The following THSD7A variants were observed in gnomAD, a reference collection of about 807,000 sequenced individuals.
THSD7A encodes thrombospondin type 1 domain containing 7A.
THSD7A carries 96 observed loss-of-function variants against 231.3 expected under a neutral mutation model. The ratio of observed to expected loss-of-function variants is 0.41; its 90% confidence interval spans 0.35 to 0.49. THSD7A has a LOEUF of 0.49. Among genes scored for constraint, THSD7A ranks in the 20% least tolerant of loss-of-function variants. The pLI is 0.05. For missense variants in THSD7A, 2,290 were observed against 2,070.2 expected, an observed-to-expected ratio of 1.11 and a Z score of -2.06; for synonymous variants, 940 against 743.3, an observed-to-expected ratio of 1.26 and a Z score of -4.30.
intron 1 of THSD7A, among the ~76,000 whole-genome samples, chr7:11,777,139 T>C (rs1034534714): frequency 6.6e-6 from 1 of 152,164 alleles, no homozygotes; most frequent in Non-Finnish European, 1.5e-5. Flanking sequence ...GTATATAAAT[T>C]GCTCAGCTCA....
At chr7:11,428,864 A>ATTTC (rs1784398397) in intron 14 of THSD7A, 83 bp downstream of exon 14, 2 of 1,482,154 alleles carry the variant, frequency 1.3e-6, no homozygotes, top group Admixed American at 4.6e-5. Context: ...AATAGCTATT[A>ATTTC]TTTCCTCTTC....
At chr7:11,461,133 T>C (rs986712466) in intron 10 of THSD7A, among the ~76,000 whole-genome samples, 3 of 152,188 alleles carry the variant, frequency 2.0e-5, no homozygotes, top group African/African-American at 7.2e-5. Context: ...TGTATTCAAG[T>C]CATGAGTCTT....
intron 4 of THSD7A, among the ~76,000 whole-genome samples, chr7:11,582,704 T>C (rs1446103535): frequency 6.6e-6 from 1 of 152,192 alleles, no homozygotes. Flanking sequence ...TACTTTCCTC[T>C]CAGAACTCTG....
intron 1 of THSD7A, chr7:11,821,000 T>A (rs1784857757): frequency 1.9e-6 from 2 of 1,030,530 alleles, no homozygotes; most frequent in Admixed American, 4.1e-5. Context: ...CTCTGTATTT[T>A]CCCTCAGCCT....
At chr7:11,762,815 C>G (rs1276765923) in intron 1 of THSD7A, among the ~76,000 whole-genome samples, 1 of 152,018 alleles carries the variant, frequency 6.6e-6, no homozygotes, top group Non-Finnish European at 1.5e-5. Flanking sequence ...ATGACACAAA[C>G]AAACGGAAAA....
chr7:11,481,284 C>T (rs1052201226), intron 7 of THSD7A, among the ~76,000 whole-genome samples: 3 of 152,164 alleles, frequency 2.0e-5, no homozygotes, highest in East Asian at 1.9e-4. Context: ...TTCTGGACCT[C>T]GGAGCCTATG....
chr7:11,767,611 T>A (rs1302350227), intron 1 of THSD7A, among the ~76,000 whole-genome samples: 1 of 152,202 alleles, frequency 6.6e-6, no homozygotes, highest in Non-Finnish European at 1.5e-5. Context: ...TATAGTATTT[T>A]CATTTTATTA....
At chr7:11,702,878 A>C (rs775628931) in intron 1 of THSD7A, among the ~76,000 whole-genome samples, 47 of 151,280 alleles carry the variant, frequency 3.1e-4, no homozygotes, top group Admixed American at 1.3e-4. Context: ...GGTTACTGAC[A>C]TCACTTACTT....
In THSD7A at chr7:11,384,955, T is replaced by C. The variant is rs562128667; in HGVS notation, c.4412-2339A>G. On this transcript the variant is annotated intron_variant, in intron 23 of 27. Transcript: ENST00000423059. Reference sequence around the variant, plus strand: ...TTATAATATTGGGGCTTTTTATTCATAAACATTTTCACCAACGTTTTAGTT... The same window carrying C: ...TTATAATATTGGGGCTTTTTATTCACAAACATTTTCACCAACGTTTTAGTT... The C allele has an allele frequency of 3.3e-5, 5 of 152,142 alleles. 1 individual carries two copies. The highest frequency in any genetic ancestry group is 1.2e-4 in the African/African-American group (5 of 41,580). 9.4% of individuals were successfully genotyped at this position (152,142 alleles called of 1,614,324 possible). A position where few individuals can be genotyped will look rare whatever the true frequency, so the allele number is the denominator to read the frequency against.
chr7:11,539,150 G>A (rs1180273492), intron 6 of THSD7A, among the ~76,000 whole-genome samples: 1 of 152,064 alleles, frequency 6.6e-6, no homozygotes, highest in South Asian at 2.1e-4. Flanking sequence ...AACAACATTT[G>A]GTGCAGCTGC....
At chr7:11,428,873 TCTC>T (rs1784398604) in intron 14 of THSD7A, 71 bp downstream of exon 14, 2 of 1,512,480 alleles carry the variant, frequency 1.3e-6, no homozygotes, top group African/African-American at 1.4e-5. Context: ...TATTTCCTCT[TCTC>T]CATTTTGGAG....
At chr7:11,429,243 C>A (rs977105888) in intron 13 of THSD7A, 118 bp from the exon 14 acceptor site, 1 of 928,330 alleles carries the variant, frequency 1.1e-6, no homozygotes, top group Non-Finnish European at 1.6e-6. Flanking sequence ...CATGCAAATG[C>A]AGAGGTGTCT....
At chr7:11,703,232 AT>A (rs979047416) in intron 1 of THSD7A, among the ~76,000 whole-genome samples, 4 of 151,006 alleles carry the variant, frequency 2.6e-5, no homozygotes, top group East Asian at 3.9e-4. Context: ...GCTAGAAAAT[AT>A]TTTTTTTCCC....
intron 4 of THSD7A, among the ~76,000 whole-genome samples, chr7:11,589,602 T>C (rs1780072381): frequency 6.6e-6 from 1 of 152,214 alleles, no homozygotes; most frequent in South Asian, 2.1e-4. Flanking sequence ...GCAATCTGTA[T>C]TGGTATTTCT....
At chr7:11,744,416 G>GT (rs140146103) in intron 1 of THSD7A, among the ~76,000 whole-genome samples, 4,058 of 151,210 alleles carry the variant, frequency 0.027, 196 homozygotes, top group African/African-American at 0.093. Context: ...ATGATACCAG[G>GT]TTTTTTTATT....
chr7:11,515,848 G>A (rs1788010660), intron 6 of THSD7A, among the ~76,000 whole-genome samples: 1 of 152,146 alleles, frequency 6.6e-6, no homozygotes, highest in African/African-American at 2.4e-5. Context: ...AAGTTACTGA[G>A]AAGAAACAAG....
intron 9 of THSD7A, among the ~76,000 whole-genome samples, chr7:11,467,821 A>G (rs1282323094): frequency 6.6e-6 from 1 of 151,996 alleles, no homozygotes; most frequent in Non-Finnish European, 1.5e-5. Context: ...TCAAGAACTT[A>G]AGAAAAAATT....
chr7:11,816,734 TG>T (rs986934342), intron 1 of THSD7A, among the ~76,000 whole-genome samples: 4 of 124,038 alleles, frequency 3.2e-5, no homozygotes, highest in African/African-American at 1.3e-4. Flanking sequence ...AATATTTTAG[TG>T]AAAAAAGTGT....
chr7:11,380,594 C>T (rs1043373505), intron 24 of THSD7A, among the ~76,000 whole-genome samples: 1 of 152,142 alleles, frequency 6.6e-6, no homozygotes, highest in Non-Finnish European at 1.5e-5. Context: ...TTAGTCATTG[C>T]AAGGCAATCG....
Sources: allele counts gnomAD v4.1 joint callset (sites outside exome capture counted in the v4.1 genomes callset), GRCh38; gene constraint gnomAD v4.1.1; transcripts MANE v1.5; gene names NCBI Gene and HGNC (gene_info 2026-07-23, HGNC 2026-07-21).